The following LMX1B variants were observed in gnomAD, a reference collection of about 807,000 sequenced individuals.
The protein encoded by LMX1B is LIM homeobox transcription factor 1-beta.
In LMX1B, 12 loss-of-function variants were observed where a neutral mutation model predicts 51.4. That is an observed-to-expected ratio of 0.23 (90% confidence interval 0.15 to 0.38). The LOEUF (loss-of-function observed/expected upper bound fraction) is 0.38. Among genes scored for constraint, LMX1B ranks in the 10% least tolerant of loss-of-function variants. The pLI, the probability that LMX1B is intolerant of heterozygous loss-of-function variation, is 1.00. For missense variants in LMX1B, 445 were observed against 571.1 expected (o/e 0.78, Z 2.25); for synonymous variants, 237 against 235.4 (o/e 1.01, Z -0.06).
At chr9:126,634,328 G>A (rs935528014) in intron 2 of LMX1B, among the ~76,000 whole-genome samples, 19 of 152,190 alleles carry the variant, frequency 1.2e-4, no homozygotes, top group Non-Finnish European at 2.2e-4. Flanking sequence ...GCCTCACCGG[G>A]CAGGTCTCTG....
chr9:126,693,801 G>A lies in LMX1B; in HGVS notation c.875G>A (p.Arg292Gln), dbSNP rs775625232. 62 of 1,374,472 alleles carry A rather than the reference G, an allele frequency of 4.5e-5. No individual in the cohort carries two copies. The highest frequency in any genetic ancestry group is 1.3e-4 in the African/African-American group (9 of 69,926). 85.1% of individuals were successfully genotyped at this position (1,374,472 alleles called of 1,614,324 possible). A position where few individuals can be genotyped will look rare whatever the true frequency, so the allele number is the denominator to read the frequency against. ...QQQQEQQNSQ[R>Q]LGQEVLSSRM... ...CAGCAGGAGCAGCAGAACTCCCAGC[G>A]GCTGGGCCAGGGTGAGCCGGGGCCG... The change falls in exon 6 of 8, where the codon CGG becomes CAG. Residue 292 changes from arginine to glutamine, a missense_variant. Around this residue, in one of 3 missense-constraint regions of LMX1B, gnomAD observed 162 missense variants for 187.8 expected, o/e 0.86. Transcript: ENST00000373474.
chr9:126,669,205 C>A (rs1355012014), intron 2 of LMX1B, among the ~76,000 whole-genome samples: 2 of 151,600 alleles, frequency 1.3e-5, no homozygotes, highest in Non-Finnish European at 2.9e-5. Context: ...AGGGCATGGA[C>A]TGCCTGGATG....
chr9:126,614,623 G>A lies in LMX1B; in HGVS notation c.139+35G>A, dbSNP rs544660411. 2.0e-5 allele frequency: 30 copies of A among 1,501,040 alleles called. No homozygotes were observed. In the South Asian group the frequency reaches 2.6e-4, roughly 13 times the overall value. 93.0% of individuals were successfully genotyped at this position (1,501,040 alleles called of 1,614,324 possible). On this transcript the variant is annotated intron_variant, in intron 1 of 7. Coordinates refer to ENST00000373474, the MANE Select transcript of LMX1B (RefSeq NM_001174147.2). ...GGGTCGGAACGCCCGAGTGGTCTCG[G>A]GCGTGGGATGGGGCGTCGTCCGGCT...
intron 2 of LMX1B, among the ~76,000 whole-genome samples, chr9:126,627,189 C>G (rs999726749): frequency 6.6e-5 from 10 of 152,140 alleles, no homozygotes; most frequent in African/African-American, 9.7e-5. Flanking sequence ...AGAGACCCCC[C>G]GGTCTCCTCC....
At chr9:126,696,155 C>T (rs1404729460) in intron 7 of LMX1B, 139 bp from the exon 8 acceptor site, 2 of 1,156,612 alleles carry the variant, frequency 1.7e-6, no homozygotes, top group Non-Finnish European at 2.6e-6. Flanking sequence ...AGGAAGGGCC[C>T]CAGTCCTTCT....
chr9:126,630,296 G>A (rs979770412), intron 2 of LMX1B, among the ~76,000 whole-genome samples: 3 of 152,160 alleles, frequency 2.0e-5, no homozygotes, highest in East Asian at 3.9e-4. Flanking sequence ...CAGCATCTGC[G>A]GGTGCCACAA....
intron 2 of LMX1B, among the ~76,000 whole-genome samples, chr9:126,685,741 C>T (rs1407809644): frequency 2.0e-5 from 3 of 152,048 alleles, no homozygotes; most frequent in South Asian, 2.1e-4. Context: ...GGGTAGTAAG[C>T]GGAGAGTTAG....
chr9:126,636,919 C>G (rs1835723218), intron 2 of LMX1B, among the ~76,000 whole-genome samples: 1 of 152,168 alleles, frequency 6.6e-6, no homozygotes, highest in South Asian at 2.1e-4. Flanking sequence ...GTGCACATGA[C>G]AAGTGGTGAG....
rs755012584 is a variant in LMX1B, at chr9:126,695,909, C to T, written c.957C>T (p.Ile319=). The T allele has an allele frequency of 8.1e-6, 13 of 1,613,284 alleles. No homozygotes were observed. The highest frequency in any genetic ancestry group is 1.6e-4 in the Middle Eastern group (1 of 6,070). ...YTPLAPPQQQ[I]VAMEQSPYGS... Reference sequence around the variant, plus strand: ...CGCTGGCCCCACCACAGCAGCAGATCGTGGCCATGGAACAGAGCCCCTACG... The same window carrying T: ...CGCTGGCCCCACCACAGCAGCAGATTGTGGCCATGGAACAGAGCCCCTACG... The change falls in exon 7 of 8, where the codon ATC becomes ATT. Residue 319 remains isoleucine, a synonymous_variant. Transcript: ENST00000373474. The surrounding 1 kb of genome is among the most constrained non-coding windows in gnomAD (Gnocchi z 5.2).
chr9:126,680,683 T>C (rs547783812), intron 2 of LMX1B, among the ~76,000 whole-genome samples: 1 of 152,168 alleles, frequency 6.6e-6, no homozygotes, highest in South Asian at 2.1e-4. Flanking sequence ...GCCTGGCTCA[T>C]GGTAGGTGCC....
intron 2 of LMX1B, among the ~76,000 whole-genome samples, chr9:126,684,843 C>G (rs1194849141): frequency 1.3e-5 from 2 of 152,144 alleles, no homozygotes; most frequent in Non-Finnish European, 1.5e-5. Flanking sequence ...TCCACTGATA[C>G]AAATTCAACA....
chr9:126,655,026 G>T (rs899569855), intron 2 of LMX1B, among the ~76,000 whole-genome samples: 20 of 152,214 alleles, frequency 1.3e-4, no homozygotes, highest in Admixed American at 1.1e-3. Context: ...GTGACCTGGG[G>T]CAAGTCCCTT....
At chr9:126,690,148 C>T (rs1030419362) in intron 2 of LMX1B, among the ~76,000 whole-genome samples, 1 of 152,044 alleles carries the variant, frequency 6.6e-6, no homozygotes, top group South Asian at 2.1e-4. Flanking sequence ...AGGGAAGAGG[C>T]GGGATCATGA....
chr9:126,664,717 A>C (rs1249213671), intron 2 of LMX1B, among the ~76,000 whole-genome samples: 2 of 152,190 alleles, frequency 1.3e-5, no homozygotes, highest in Non-Finnish European at 2.9e-5. Context: ...ATACTAAAAA[A>C]TACAAAAATT....
intron 2 of LMX1B, among the ~76,000 whole-genome samples, chr9:126,682,994 G>A (rs1836704565): frequency 6.6e-6 from 1 of 151,226 alleles, no homozygotes; most frequent in Admixed American, 6.6e-5. Flanking sequence ...TGGCTCCCCG[G>A]GCTCCCGGCT....
intron 2 of LMX1B, among the ~76,000 whole-genome samples, chr9:126,666,618 C>T (rs972543577): frequency 4.6e-5 from 7 of 152,186 alleles, no homozygotes. Context: ...ATGTGCTTTA[C>T]GTACGTGCTT....
Position 126,684,963 on chromosome 9 carries a change from T to G in LMX1B, c.327-5873T>G, listed in dbSNP as rs1445843816. Among the ~76,000 whole-genome samples the G allele has an allele frequency of 3.9e-5, 6 of 152,140 alleles. No individual in the cohort carries two copies. The East Asian group carries it at 1.2e-3, about 29-fold the overall frequency. On this transcript the variant is annotated intron_variant, in intron 2 of 7. Coordinates refer to ENST00000373474, the MANE Select transcript of LMX1B (RefSeq NM_001174147.2). ...ACCCCTAGGAGCAGAATACCTGGTGTTTTTTTGTGCTAGCTGGCTGCCCAT... is the reference window on the plus strand; with the variant it reads ...ACCCCTAGGAGCAGAATACCTGGTGGTTTTTTGTGCTAGCTGGCTGCCCAT...
At chr9:126,644,166 G>C (rs1211326773) in intron 2 of LMX1B, among the ~76,000 whole-genome samples, 1 of 152,180 alleles carries the variant, frequency 6.6e-6, no homozygotes, top group African/African-American at 2.4e-5. Flanking sequence ...GGTCCTCGGT[G>C]TCCTGTGCCC....
chr9:126,663,845 C>G (rs768896540), intron 2 of LMX1B, among the ~76,000 whole-genome samples: 2 of 152,256 alleles, frequency 1.3e-5, no homozygotes, highest in Non-Finnish European at 2.9e-5. Context: ...TGGGCTCATC[C>G]CAGACCAGGC....
Sources: gnomAD v4.1 joint callset for allele counts (sites outside exome capture counted in the v4.1 genomes callset) on GRCh38, gnomAD v4.1.1 for gene constraint, gnomAD v4.1.1 regional missense constraint, Gnocchi (gnomAD v3.1) non-coding constraint, MANE v1.5 for transcripts, NCBI Gene and HGNC (gene_info 2026-07-23, HGNC 2026-07-21) for gene names.